KLHL20: variants seen among roughly 807,000 people sequenced by gnomAD.
KLHL20 encodes the protein kelch-like protein 20.
Under a neutral mutation model 69.5 loss-of-function variants are expected in KLHL20, and 29 were observed. That is an observed-to-expected ratio of 0.42 (90% CI 0.31 to 0.57). The LOEUF (loss-of-function observed/expected upper bound fraction) is 0.57, where lower values mean the gene tolerates loss of function less well. KLHL20 is among the 20% of genes least tolerant of loss of function. The pLI is 0.18. For synonymous variants in KLHL20, 253 were observed against 265.2 expected (o/e 0.95, Z 0.45); for missense variants, 419 against 776.0 (o/e 0.54, Z 5.47).
intron 3 of KLHL20, among the ~76,000 whole-genome samples, chr1:173,742,272 G>A (rs1466588575): frequency 1.3e-5 from 2 of 152,158 alleles, no homozygotes; most frequent in Non-Finnish European, 2.9e-5. Flanking sequence ...GTATAAATTA[G>A]TACAACCCTT....
chr1:173,760,448 GAATC>G (rs1289853598), intron 7 of KLHL20, among the ~76,000 whole-genome samples: 1 of 152,090 alleles, frequency 6.6e-6, no homozygotes, highest in Non-Finnish European at 1.5e-5. Flanking sequence ...ATGAAGGAAA[GAATC>G]AAGAGCCATG....
intron 4 of KLHL20, 53 bp downstream of exon 4, chr1:173,751,975 T>G: frequency 6.4e-7 from 1 of 1,555,146 alleles, no homozygotes. Flanking sequence ...TGGTGGCTCA[T>G]GACTGTAATC....
intron 7 of KLHL20, among the ~76,000 whole-genome samples, chr1:173,761,517 T>C (rs1192178490): frequency 1.3e-5 from 2 of 151,832 alleles, no homozygotes; most frequent in Non-Finnish European, 2.9e-5. Context: ...CTTAAGAAAA[T>C]TGAAATTATA....
chr1:173,715,219 T>C (rs543849320), intron 1 of KLHL20, 141 bp downstream of exon 1: 1 of 152,438 alleles, frequency 6.6e-6, no homozygotes, highest in African/African-American at 2.4e-5. Context: ...AAGAGACTGT[T>C]GGGGCGCTGG....
At chr1:173,728,192 ACTAT>A in intron 2 of KLHL20, among the ~76,000 whole-genome samples, 1 of 152,354 alleles carries the variant, frequency 6.6e-6, no homozygotes, top group East Asian at 1.9e-4. Flanking sequence ...AGAAGAGCTA[ACTAT>A]CCTAAATATA....
chr1:173,747,338 C>A (rs1227996706), intron 3 of KLHL20, among the ~76,000 whole-genome samples: 2 of 151,896 alleles, frequency 1.3e-5, no homozygotes, highest in Non-Finnish European at 2.9e-5. Flanking sequence ...ACTGTGTTGC[C>A]TTATGCATAA....
chr1:173,768,408 G>T (rs906104832), intron 8 of KLHL20, among the ~76,000 whole-genome samples: 15 of 152,068 alleles, frequency 9.9e-5, no homozygotes, highest in African/African-American at 3.4e-4. Flanking sequence ...AAATTTTTGA[G>T]GTAGCATTTA....
chr1:173,775,726 A>G lies in KLHL20; in HGVS notation c.1522A>G (p.Met508Val), dbSNP rs1254006151. 1 of 1,614,078 alleles carries G rather than the reference A, an allele frequency of 6.2e-7. No homozygotes were observed. The highest frequency in any genetic ancestry group is 8.5e-7 in the Non-Finnish European group (1 of 1,180,030). ...CCTAGGCTGTGCAGTATATCAGGAC[A>G]TGATCTATGCTGTAGGAGGTAGAGA... The part of the protein sequence containing the change: ...KHLGCAVYQD[M>V]IYAVGGRDDT... The change falls in exon 10 of 12, where the codon ATG (methionine) becomes GTG (valine). Residue 508 changes from methionine (M) to valine (V), a missense_variant. Physicochemically the swap from Met to Val is conservative, Grantham distance 21. Around this residue, in one of 6 missense-constraint regions of KLHL20, gnomAD observed 79 missense variants for 154.4 expected, o/e 0.51. Transcript: ENST00000209884.
Position 173,775,716 on chromosome 1 carries a change from A to G in KLHL20, c.1512A>G (p.Val504=), listed in dbSNP as rs757231286. The G allele has an allele frequency of 3.0e-5, 49 of 1,614,094 alleles. No homozygotes were observed. Among genetic ancestry groups the G allele is most frequent in the Admixed American group, 2.8e-4 (17 of 60,008 alleles). Residue 504 remains valine (V), a synonymous_variant, in exon 10 of 12, where the codon GTA becomes GTG. Coordinates refer to ENST00000209884, the MANE Select transcript of KLHL20 (RefSeq NM_014458.4). The part of the protein sequence containing the change: ...GTRRKHLGCA[V]YQDMIYAVGG... Reference sequence around the variant, plus strand: ...GGAGGAAACACCTAGGCTGTGCAGTATATCAGGACATGATCTATGCTGTAG... The same window carrying G: ...GGAGGAAACACCTAGGCTGTGCAGTGTATCAGGACATGATCTATGCTGTAG...
chr1:173,772,450 C>T (rs2102528913), intron 8 of KLHL20, among the ~76,000 whole-genome samples: 1 of 152,200 alleles, frequency 6.6e-6, no homozygotes, highest in Non-Finnish European at 1.5e-5. Flanking sequence ...CTTTTTAAGA[C>T]TAATTGGTTG....
intron 7 of KLHL20, 103 bp from the exon 8 acceptor site, chr1:173,766,043 G>A (rs1411813571): frequency 1.1e-6 from 1 of 933,838 alleles, no homozygotes; most frequent in Non-Finnish European, 1.5e-6. Context: ...CCATACTTAG[G>A]GGAAATAATA....
At chr1:173,729,506 A>T (rs1672149812) in intron 2 of KLHL20, among the ~76,000 whole-genome samples, 1 of 152,212 alleles carries the variant, frequency 6.6e-6, no homozygotes, top group Admixed American at 6.5e-5. Flanking sequence ...CCAGCAGCAC[A>T]TCAAGAAGCT....
At chr1:173,776,229 T>G (rs1648457035) in intron 10 of KLHL20, among the ~76,000 whole-genome samples, 1 of 152,232 alleles carries the variant, frequency 6.6e-6, no homozygotes, top group Non-Finnish European at 1.5e-5. Context: ...TTTTTATGTC[T>G]TCTTTGGAGA....
At chr1:173,778,230 C>T (rs1648608348) in intron 10 of KLHL20, among the ~76,000 whole-genome samples, 2 of 151,814 alleles carry the variant, frequency 1.3e-5, no homozygotes, top group South Asian at 4.2e-4. Context: ...CAGCCCCCCA[C>T]CCCCCGACAG....
At chr1:173,720,052 T>A (rs1407874967) in intron 2 of KLHL20, among the ~76,000 whole-genome samples, 1 of 151,836 alleles carries the variant, frequency 6.6e-6, no homozygotes, top group Non-Finnish European at 1.5e-5. Flanking sequence ...AGCCTAGGTG[T>A]TCAAGGCTGC....
At chr1:173,721,847 T>A (rs1440592784) in intron 2 of KLHL20, among the ~76,000 whole-genome samples, 1 of 152,262 alleles carries the variant, frequency 6.6e-6, no homozygotes, top group Non-Finnish European at 1.5e-5. Flanking sequence ...AATCTCCAGC[T>A]GTCTCTATTC....
At chr1:173,741,760 A>G (rs1331700644) in intron 3 of KLHL20, 6 of 1,447,906 alleles carry the variant, frequency 4.1e-6, no homozygotes, top group Admixed American at 3.5e-5. Context: ...CAGAGCCCCA[A>G]TTCCTACTTC....
rs761491941 is a variant in KLHL20, at chr1:173,725,312, C to G, written c.24-8401C>G. 3.9e-4 allele frequency among the ~76,000 whole-genome samples: 59 copies of G among 152,208 alleles called. 1 individual carries two copies. Among genetic ancestry groups the G allele is most frequent in the Admixed American group, 2.6e-4 (4 of 15,284 alleles). On this transcript the variant is annotated intron_variant, in intron 2 of 11. Transcript: ENST00000209884. ...ACCCTAAAGCATCCAGAGGCCTGCT[C>G]TGCTACTGAAAGCTTCTTGATTTTG...
chr1:173,751,704 A>G, intron 3 of KLHL20, 60 bp from the exon 4 acceptor site: 1 of 1,540,078 alleles, frequency 6.5e-7, no homozygotes, highest in Non-Finnish European at 8.9e-7. Context: ...CTGAAGAAAA[A>G]CACTGAGACA....
Sources: allele counts gnomAD v4.1 joint callset (sites outside exome capture counted in the v4.1 genomes callset), GRCh38; gene constraint gnomAD v4.1.1; regional missense constraint gnomAD v4.1.1; transcripts MANE v1.5; gene names NCBI Gene and HGNC (gene_info 2026-07-23, HGNC 2026-07-21).